Variants in MITF observed in about 807,000 individuals in gnomAD.
The protein encoded by MITF is melanocyte inducing transcription factor.
MITF carries 17 observed loss-of-function variants against 60.5 expected under a neutral mutation model. That is an observed-to-expected ratio of 0.28 (90% CI 0.19 to 0.42). MITF has a LOEUF of 0.42. Ranked by LOEUF, MITF falls within the 10% of genes least tolerant of loss-of-function variation. MITF has a pLI of 1.00. For missense variants in MITF, 622 were observed against 683.5 expected (o/e 0.91, Z 1.00); for synonymous variants, 260 against 248.5 (o/e 1.05, Z -0.43).
intron 1 of MITF, chr3:69,866,468 G>A (rs1300720907): frequency 9.3e-7 from 1 of 1,070,416 alleles, no homozygotes; most frequent in Non-Finnish European, 1.2e-6. Flanking sequence ...TACTGAAGCT[G>A]TTACTTCTCA....
At chr3:69,885,636 T>C (rs2064596068) in intron 2 of MITF, among the ~76,000 whole-genome samples, 1 of 152,102 alleles carries the variant, frequency 6.6e-6, no homozygotes, top group Admixed American at 6.6e-5. Context: ...CATAAACCGA[T>C]AAACAGTATA....
chr3:69,796,049 T>C (rs758325733), intron 1 of MITF, among the ~76,000 whole-genome samples: 6 of 152,116 alleles, frequency 3.9e-5, no homozygotes, highest in Non-Finnish European at 8.8e-5. Context: ...TGGCACAATC[T>C]TGACTCACTG....
chr3:69,938,131 G>T lies in MITF; in HGVS notation c.582+82G>T, dbSNP rs2065887276. On this transcript the variant is annotated intron_variant, in intron 3 of 9. Coordinates refer to ENST00000352241, the MANE Select transcript of MITF (RefSeq NM_001354604.2). ...AATATGATTCCCACACTTAACTGTG[G>T]ACTCTAGTTTGTCCTTGTGGCCACA... 2.8e-6 allele frequency: 4 copies of T among 1,452,452 alleles called. 1 individual carries two copies. The South Asian group carries it at 4.7e-5, about 17-fold the overall frequency. The allele number at this position is 1,452,452 out of a possible 1,614,324, so 90.0% of individuals were successfully genotyped here. A position where few individuals can be genotyped will look rare whatever the true frequency, so the allele number is the denominator to read the frequency against.
In MITF at chr3:69,739,661, A is replaced by G; in HGVS notation, c.64A>G (p.Lys22Glu). Residue 22 changes from lysine to glutamate, a missense_variant, in exon 1 of 10, where the codon AAA becomes GAA. Transcript: ENST00000352241. ...CGGGGAGGAGTTTCATGAAGAGCCC[A>G]AAACCTATTACGAACTCAAAAGTCA... is the stretch of plus-strand genomic sequence containing the variant. ...EVGEEFHEEP[K>E]TYYELKSQPL... is the part of the protein sequence containing the mutation. The G allele has an allele frequency of 6.3e-7, 1 of 1,583,072 alleles. No homozygotes were observed. The highest frequency in any genetic ancestry group is 8.6e-7 in the Non-Finnish European group (1 of 1,162,890).
chr3:69,751,466 C>A (rs1406860241), intron 1 of MITF, among the ~76,000 whole-genome samples: 1 of 151,798 alleles, frequency 6.6e-6, no homozygotes, highest in Non-Finnish European at 1.5e-5. Context: ...TCATGTAACA[C>A]AAGCCAAAAG....
chr3:69,826,494 T>C (rs2063356700), intron 1 of MITF, among the ~76,000 whole-genome samples: 1 of 152,232 alleles, frequency 6.6e-6, no homozygotes, highest in Non-Finnish European at 1.5e-5. Flanking sequence ...CTTTTCTAAT[T>C]TGGGGCATTT....
Position 69,935,408 on chromosome 3 carries a change from A to T in MITF, c.355-2414A>T, listed in dbSNP as rs955008922. The stretch of plus-strand genomic sequence containing the variant: ...AATTAACATTTATTTTTAAACATGA[A>T]TCTCTTTTCTTTTTAAGTGTAATAG... On this transcript the variant is annotated intron_variant, in intron 2 of 9. Transcript: ENST00000352241. Among the ~76,000 whole-genome samples, 38 of 152,178 alleles carry T rather than the reference A, an allele frequency of 2.5e-4. 1 individual carries two copies. The highest frequency in any genetic ancestry group is 1.5e-5 in the Non-Finnish European group (1 of 68,026).
intron 2 of MITF, among the ~76,000 whole-genome samples, chr3:69,893,143 T>C (rs954316033): frequency 1.3e-5 from 2 of 152,196 alleles, no homozygotes; most frequent in African/African-American, 4.8e-5. Flanking sequence ...CCTTCTCACC[T>C]TCTTACCTCC....
chr3:69,956,507 T>C lies in MITF; in HGVS notation c.1008T>C (p.Thr336=), dbSNP rs2066401973. ...NINDRIKELG[T]LIPKSNDPDM... ...ATGACCGCATTAAAGAACTAGGTACTTTGATTCCCAAGTCAAATGATCCGT... is the reference window on the plus strand; with the variant it reads ...ATGACCGCATTAAAGAACTAGGTACCTTGATTCCCAAGTCAAATGATCCGT... Residue 336 remains threonine (T), a synonymous_variant, in exon 8 of 10, where the codon ACT becomes ACC. Transcript: ENST00000352241. The C allele has an allele frequency of 6.2e-7, 1 of 1,613,344 alleles. No individual in the cohort carries two copies. Among genetic ancestry groups the C allele is most frequent in the Non-Finnish European group, 8.5e-7 (1 of 1,179,474 alleles).
intron 5 of MITF, among the ~76,000 whole-genome samples, chr3:69,941,714 G>A (rs1253506031): frequency 6.6e-6 from 1 of 152,130 alleles, no homozygotes; most frequent in Non-Finnish European, 1.5e-5. Context: ...TTTCAAGAAG[G>A]TTTTCTCATA....
At chr3:69,820,647 T>C (rs2063254732) in intron 1 of MITF, among the ~76,000 whole-genome samples, 1 of 152,208 alleles carries the variant, frequency 6.6e-6, no homozygotes, top group South Asian at 2.1e-4. Flanking sequence ...GTGATAGAAT[T>C]GGCACAGGAG....
rs2107275843 is a variant in MITF at position 69,879,153 on chromosome 3, G to A, written c.124G>A (p.Gly42Arg). 6.2e-7 allele frequency: 1 copy of A among 1,614,150 alleles called. No homozygotes were observed. ...CCACAGCAGTTCCGCCGAGCATCCT[G>A]GGGCCTCCAAGCCTCCGATAAGCTC... ...LKSSSSAEHPGASKPPISSSS... is the reference protein window; with the variant it reads ...LKSSSSAEHPRASKPPISSSS... Residue 42 changes from glycine (G) to arginine (R), a missense_variant, in exon 2 of 10, where the codon GGG (glycine) becomes AGG (arginine). By Grantham distance (125) the Gly-to-Arg change is moderately radical. Transcript: ENST00000352241.
At chr3:69,930,148 G>A (rs2065685602) in intron 2 of MITF, among the ~76,000 whole-genome samples, 1 of 152,102 alleles carries the variant, frequency 6.6e-6, no homozygotes, top group South Asian at 2.1e-4. Flanking sequence ...CCTCCAAACG[G>A]TGCCGTCTCG....
intron 2 of MITF, among the ~76,000 whole-genome samples, chr3:69,918,878 T>C (rs898079518): frequency 2.6e-5 from 4 of 152,256 alleles, no homozygotes; most frequent in Non-Finnish European, 5.9e-5. Context: ...CTATTTTGAA[T>C]ATGGAAAATG....
At chr3:69,787,922 G>A (rs1048121386) in intron 1 of MITF, among the ~76,000 whole-genome samples, 7 of 152,110 alleles carry the variant, frequency 4.6e-5, no homozygotes, top group Non-Finnish European at 8.8e-5. Flanking sequence ...CTGGGTAAGC[G>A]CTGTGCTAAG....
intron 1 of MITF, among the ~76,000 whole-genome samples, chr3:69,821,252 G>A (rs539208086): frequency 1.5e-4 from 23 of 152,162 alleles, no homozygotes; most frequent in Admixed American, 7.2e-4. Context: ...GATGCTGTGC[G>A]TAGAAAATGC....
chr3:69,744,444 T>C (rs1703645974), intron 1 of MITF, among the ~76,000 whole-genome samples: 1 of 152,178 alleles, frequency 6.6e-6, no homozygotes, highest in Admixed American at 6.5e-5. Flanking sequence ...TGGGTGACCT[T>C]GGGCAGGCTG....
chr3:69,778,908 C>T (rs2062519145), intron 1 of MITF: 1 of 152,076 alleles, frequency 6.6e-6, no homozygotes, highest in Non-Finnish European at 1.5e-5. Flanking sequence ...TGTTCGCCGG[C>T]TGATGTGCAA....
chr3:69,740,406 C>T (rs1703486460), intron 1 of MITF, among the ~76,000 whole-genome samples: 1 of 152,190 alleles, frequency 6.6e-6, no homozygotes, highest in Admixed American at 6.5e-5. Flanking sequence ...GAGCCTTGGT[C>T]TTGGGGGTTA....
Sources: allele counts gnomAD v4.1 joint callset (sites outside exome capture counted in the v4.1 genomes callset), GRCh38; gene constraint gnomAD v4.1.1; transcripts MANE v1.5; gene names NCBI Gene and HGNC (gene_info 2026-07-23, HGNC 2026-07-21).